WNT5B: variants seen among roughly 807,000 people sequenced by gnomAD.
WNT5B encodes Wnt family member 5B.
WNT5B carries 18 observed loss-of-function variants against 36.5 expected under a neutral mutation model. The ratio of observed to expected loss-of-function variants is 0.49; its 90% CI spans 0.34 to 0.73. The LOEUF (loss-of-function observed/expected upper bound fraction) is 0.73. Ranked by LOEUF, WNT5B falls within the 30% of genes least tolerant of loss-of-function variation. The probability of loss-of-function intolerance (pLI) is 0.01; values close to 1 mark genes in which losing one functional copy is unlikely to be tolerated. For synonymous variants in WNT5B, 213 were observed against 212.3 expected (o/e 1.00, Z -0.03); for missense variants, 424 against 508.4 (o/e 0.83, Z 1.60).
At chr12:1,620,987 C>T (rs867615661) in intron 1 of WNT5B, among the ~76,000 whole-genome samples, 1 of 132,268 alleles carries the variant, frequency 7.6e-6, no homozygotes, top group Admixed American at 8.1e-5. Context: ...AGGTGTGAGC[C>T]ACCGCGCCCC....
chr12:1,624,355 G>A (rs2094538201), upstream of WNT5B, among the ~76,000 whole-genome samples: 2 of 137,558 alleles, frequency 1.5e-5, no homozygotes, highest in Non-Finnish European at 3.0e-5. Flanking sequence ...ACTTGCCTAG[G>A]CAACAAAGTG....
chr12:1,632,000 A>T (rs544847164), intron 2 of WNT5B, among the ~76,000 whole-genome samples: 2 of 152,304 alleles, frequency 1.3e-5, no homozygotes, highest in East Asian at 3.9e-4. Flanking sequence ...AACACTCTAT[A>T]TGGCTGGTAG....
chr12:1,636,289 T>A (rs2094560418), intron 3 of WNT5B, among the ~76,000 whole-genome samples: 1 of 151,616 alleles, frequency 6.6e-6, no homozygotes, highest in Non-Finnish European at 1.5e-5. Flanking sequence ...CCCATAACAT[T>A]TTCACCGCTC....
chr12:1,630,236 C>T lies in WNT5B; in HGVS notation c.-58+865C>T. 1.0e-6 allele frequency: 1 copy of T among 985,320 alleles called. No homozygotes were observed. The highest frequency in any genetic ancestry group is 1.2e-6 in the Non-Finnish European group (1 of 829,894). The allele number at this position is 985,320 out of a possible 1,614,324, so 61.0% of individuals were successfully genotyped here. On this transcript the variant is annotated intron_variant, in intron 1 of 4. Coordinates refer to ENST00000397196, the MANE Select transcript of WNT5B (RefSeq NM_032642.3). This position sits in a 1 kb window ranked among gnomAD's most constrained non-coding sequence, Gnocchi z 5.3. Reference sequence around the variant, plus strand: ...GGGCTGCGCTCGTCAGGTCCGGGGCCCCGGGGAGGCCGCTGGGGGCGCGGG... The same window carrying T: ...GGGCTGCGCTCGTCAGGTCCGGGGCTCCGGGGAGGCCGCTGGGGGCGCGGG...
At position 1,638,285 on chromosome 12, in the gene WNT5B, G is replaced by A. The variant is rs149490084; in HGVS notation, c.329-1399G>A. ...AAACAAACAAAAAAACACAACACCT[G>A]CACAGCACAAGAAAGCTGAGCATAG... On this transcript the variant is annotated intron_variant, in intron 3 of 4. Coordinates refer to ENST00000397196, the MANE Select transcript of WNT5B (RefSeq NM_032642.3). Among the ~76,000 whole-genome samples, 8 of 152,258 alleles carry A rather than the reference G, an allele frequency of 5.3e-5. No individual in the cohort carries two copies. The East Asian group carries it at 1.3e-3, about 26-fold the overall frequency.
intron 1 of WNT5B, among the ~76,000 whole-genome samples, chr12:1,622,849 CAT>C (rs2094535722): frequency 6.6e-6 from 1 of 152,156 alleles, no homozygotes; most frequent in South Asian, 2.1e-4. Context: ...GTGGCTAAAA[CAT>C]GTGAGAAGCT....
intron 1 of WNT5B, among the ~76,000 whole-genome samples, chr12:1,622,093 C>G (rs1472515759): frequency 6.7e-6 from 1 of 149,514 alleles, no homozygotes; most frequent in Non-Finnish European, 1.5e-5. Context: ...CTCCCTTAGG[C>G]TCTTCTGACA....
intron 4 of WNT5B, among the ~76,000 whole-genome samples, chr12:1,645,407 TTTTGTTGGTTATTATTTATTTG>T (rs1283860953): frequency 6.6e-6 from 1 of 152,122 alleles, no homozygotes; most frequent in Non-Finnish European, 1.5e-5. Context: ...CCTGGCTGTA[TTTTGTTGGTTATTATTTATTTG>T]TTTGAGGCTT....
chr12:1,620,690 C>T (rs2094532526), intron 1 of WNT5B, among the ~76,000 whole-genome samples: 1 of 146,556 alleles, frequency 6.8e-6, no homozygotes, highest in Non-Finnish European at 1.5e-5. Flanking sequence ...AGGCACCCGC[C>T]ACCACACCCA....
At chr12:1,631,966 A>G (rs2094551772) in intron 2 of WNT5B, among the ~76,000 whole-genome samples, 1 of 152,152 alleles carries the variant, frequency 6.6e-6, no homozygotes, top group Non-Finnish European at 1.5e-5. Flanking sequence ...TTACTCAGAT[A>G]GCAAATCTGC....
rs2094548326 is a variant in WNT5B, at chr12:1,630,429, G to A, written c.-57-869G>A. On this transcript the variant is annotated intron_variant, in intron 1 of 4. Transcript: ENST00000397196. This position sits in a 1 kb window ranked among gnomAD's most constrained non-coding sequence, Gnocchi z 5.3. ...CAGGCGTGGGTTACAGCAGGCAGGA[G>A]GCCAAGAGGCGGGAGGCCCGGGAGC... Among the ~76,000 whole-genome samples the A allele has an allele frequency of 6.6e-6, 1 of 152,218 alleles. No individual in the cohort carries two copies. Among genetic ancestry groups the A allele is most frequent in the South Asian group, 2.1e-4 (1 of 4,822 alleles).
chr12:1,639,549 A>T, intron 3 of WNT5B, 135 bp from the exon 4 acceptor site: 1 of 912,666 alleles, frequency 1.1e-6, no homozygotes. Context: ...CGTTAGAGCT[A>T]CGGGAAGCGA....
In WNT5B at chr12:1,645,785, T is replaced by C; in HGVS notation, c.622-9T>C. The C allele has an allele frequency of 6.5e-7, 1 of 1,548,574 alleles. No individual in the cohort carries two copies. Reference sequence around the variant, plus strand: ...CCTCCTTCTTACTGCCTTCTTTCTCTTCCCCTAGGCTGTGTATAAGATGGC... The same window carrying C: ...CCTCCTTCTTACTGCCTTCTTTCTCCTCCCCTAGGCTGTGTATAAGATGGC... On this transcript the variant is annotated splice_polypyrimidine_tract_variant and intron_variant, in intron 4 of 4. Coordinates refer to ENST00000397196, the MANE Select transcript of WNT5B (RefSeq NM_032642.3).
In WNT5B at chr12:1,630,056, C is replaced by T. The variant is rs113320446; in HGVS notation, c.-58+685C>T. On this transcript the variant is annotated intron_variant, in intron 1 of 4. Coordinates refer to ENST00000397196, the MANE Select transcript of WNT5B (RefSeq NM_032642.3). The surrounding 1 kb of genome is among the most constrained non-coding windows in gnomAD (Gnocchi z 5.3). Reference sequence around the variant, plus strand: ...GGGGGCTTGGGGAAGGGCTGTGTCCCAGCTCTCCTGGACCCTGCTCGGGCC... The same window carrying T: ...GGGGGCTTGGGGAAGGGCTGTGTCCTAGCTCTCCTGGACCCTGCTCGGGCC... The T allele has an allele frequency of 3.0e-5, 27 of 915,216 alleles. No homozygotes were observed. In the African/African-American group the frequency reaches 4.3e-4, roughly 15 times the overall value. The allele number at this position is 915,216 out of a possible 1,614,324, so 56.7% of individuals were successfully genotyped here. A position where few individuals can be genotyped will look rare whatever the true frequency, so the allele number is the denominator to read the frequency against.
intron 1 of WNT5B, among the ~76,000 whole-genome samples, chr12:1,621,173 A>G (rs899108886): frequency 6.6e-5 from 10 of 151,708 alleles, no homozygotes; most frequent in Non-Finnish European, 1.3e-4. Context: ...TATATTCAAA[A>G]AACACTATAG....
At chr12:1,631,224 C>T in intron 1 of WNT5B, 74 bp from the exon 2 acceptor site, 1 of 1,398,094 alleles carries the variant, frequency 7.2e-7, no homozygotes, top group South Asian at 1.4e-5. Context: ...CAACTTTCTC[C>T]GCCTCACCCC....
rs1055138580 is a variant in WNT5B, at chr12:1,646,076, C to A, written c.904C>A (p.Arg302Ser). Residue 302 changes from arginine to serine, a missense_variant, in exon 5 of 5, where the codon CGC becomes AGC. Physicochemically the swap from Arg to Ser is moderately radical, Grantham distance 110. Transcript: ENST00000397196. Reference sequence around the variant, plus strand: ...CACGGGCTCCCTGGGCACGCAGGGCCGCCTCTGCAACAAGACCTCGGAGGG... The same window carrying A: ...CACGGGCTCCCTGGGCACGCAGGGCAGCCTCTGCAACAAGACCTCGGAGGG... ...ESTGSLGTQG[R>S]LCNKTSEGMD... The A allele has an allele frequency of 2.5e-6, 4 of 1,613,740 alleles. No individual in the cohort carries two copies. The African/African-American group carries it at 5.3e-5, about 22-fold the overall frequency.
intron 4 of WNT5B, among the ~76,000 whole-genome samples, chr12:1,640,675 T>C (rs2270037): frequency 0.7 from 107,092 of 152,164 alleles, 37,860 homozygotes; most frequent in East Asian, 0.82. Context: ...CGGCAGCTTC[T>C]GGGCCCCTAG....
At chr12:1,639,292 C>T (rs755805869) in intron 3 of WNT5B, among the ~76,000 whole-genome samples, 68 of 151,520 alleles carry the variant, frequency 4.5e-4, no homozygotes, top group Non-Finnish European at 3.2e-4. Flanking sequence ...CGCCCGCCAC[C>T]ACGCCCGGCT....
Sources: gnomAD v4.1 joint callset for allele counts (sites outside exome capture counted in the v4.1 genomes callset) on GRCh38, gnomAD v4.1.1 for gene constraint, Gnocchi (gnomAD v3.1) non-coding constraint, MANE v1.5 for transcripts, NCBI Gene and HGNC (gene_info 2026-07-23, HGNC 2026-07-21) for gene names.